ATXN1: variants seen among roughly 807,000 people sequenced by gnomAD.
ATXN1 encodes the protein ataxin-1.
In ATXN1, 8 loss-of-function variants were observed where a neutral mutation model predicts 56.4. The observed-to-expected ratio is 0.14, with a 90% CI of 0.08 to 0.26. The LOEUF (loss-of-function observed/expected upper bound fraction) is 0.26, where lower values mean the gene tolerates loss of function less well. Among genes scored for constraint, ATXN1 ranks in the 10% least tolerant of loss-of-function variants. The pLI, the probability that ATXN1 is intolerant of heterozygous loss-of-function variation, is 1.00. For synonymous variants in ATXN1, 514 were observed against 494.6 expected (o/e 1.04, Z -0.52); for missense variants, 987 against 1,106.5 (o/e 0.89, Z 1.53).
intron 2 of ATXN1, among the ~76,000 whole-genome samples, chr6:16,721,867 T>G (rs1189896057): frequency 6.6e-6 from 1 of 152,212 alleles, no homozygotes; most frequent in Non-Finnish European, 1.5e-5. Context: ...AACAGAATTC[T>G]TGGAGGATCT....
intron 6 of ATXN1, among the ~76,000 whole-genome samples, chr6:16,402,242 G>GTTTTTTTTTTTTTTTTTTTT (rs58048762): frequency 1.6e-5 from 1 of 62,118 alleles, no homozygotes; most frequent in Non-Finnish European, 2.9e-5. Flanking sequence ...ACCACTGACA[G>GTTTTTTTTTTTTTTTTTTTT]TTTTTTTTTT....
chr6:16,690,058 A>G (rs1045877539), intron 2 of ATXN1, among the ~76,000 whole-genome samples: 1 of 152,012 alleles, frequency 6.6e-6, no homozygotes, highest in Non-Finnish European at 1.5e-5. Context: ...TGAAGGGAAC[A>G]CTGGGTTGGG....
At chr6:16,445,709 T>A (rs1759620505) in intron 6 of ATXN1, among the ~76,000 whole-genome samples, 1 of 123,472 alleles carries the variant, frequency 8.1e-6, no homozygotes, top group Admixed American at 9.9e-5. Context: ...GAGTGTGATG[T>A]TCCCCTTCCT....
At chr6:16,735,575 A>G (rs191555441) in intron 2 of ATXN1, among the ~76,000 whole-genome samples, 3 of 152,332 alleles carry the variant, frequency 2.0e-5, no homozygotes, top group African/African-American at 7.2e-5. Flanking sequence ...ATTAACTGCT[A>G]TATATAAGAG....
chr6:16,414,027 A>C (rs1758853783), intron 6 of ATXN1, among the ~76,000 whole-genome samples: 1 of 152,228 alleles, frequency 6.6e-6, no homozygotes, highest in Non-Finnish European at 1.5e-5. Flanking sequence ...AGTGATGCTT[A>C]ATTTGGAGGA....
intron 2 of ATXN1, among the ~76,000 whole-genome samples, chr6:16,726,442 T>C (rs1759852303): frequency 6.6e-6 from 1 of 151,486 alleles, no homozygotes; most frequent in Admixed American, 6.6e-5. Flanking sequence ...GAGATTTTCA[T>C]ATGTATAATA....
At chr6:16,491,288 T>TATTATA (rs1760658364) in intron 5 of ATXN1, among the ~76,000 whole-genome samples, 1 of 134,722 alleles carries the variant, frequency 7.4e-6, no homozygotes, top group African/African-American at 2.7e-5. Context: ...TTTTTTTTTT[T>TATTATA]TTTTTTTTTT....
intron 5 of ATXN1, among the ~76,000 whole-genome samples, chr6:16,508,628 T>A (rs1257266048): frequency 6.6e-6 from 1 of 152,156 alleles, no homozygotes; most frequent in Non-Finnish European, 1.5e-5. Context: ...ATAACAACTG[T>A]TGGTGAGGAC....
At position 16,639,266 on chromosome 6, in the gene ATXN1, C is replaced by T. The variant is rs193067273; in HGVS notation, c.-489+18510G>A. On this transcript the variant is annotated intron_variant, in intron 3 of 7. Transcript: ENST00000436367. ...CCTCACAATAAATCTTGCTACTGCT[C>T]GCTCTTTGGGTCCCTACCATCTTTA... Among the ~76,000 whole-genome samples, 30 of 152,312 alleles carry T rather than the reference C, an allele frequency of 2.0e-4. No homozygotes were observed. In the East Asian group the frequency reaches 4.2e-3, roughly 21 times the overall value.
chr6:16,739,891 T>G (rs1437071550), intron 2 of ATXN1: 3 of 456,930 alleles, frequency 6.6e-6, no homozygotes, highest in Non-Finnish European at 1.3e-5. Flanking sequence ...CAAGAAGAGA[T>G]GTCCACCAGC....
At chr6:16,425,007 A>G (rs1759120420) in intron 6 of ATXN1, among the ~76,000 whole-genome samples, 1 of 152,228 alleles carries the variant, frequency 6.6e-6, no homozygotes, top group Non-Finnish European at 1.5e-5. Flanking sequence ...ACCTTTGCAG[A>G]CTATTCCCTA....
intron 6 of ATXN1, among the ~76,000 whole-genome samples, chr6:16,405,219 T>G (rs567239281): frequency 6.6e-6 from 1 of 152,236 alleles, no homozygotes; most frequent in Non-Finnish European, 1.5e-5. Flanking sequence ...AACAACTCTG[T>G]AGCCAACTTT....
chr6:16,508,414 G>C (rs773859873), intron 5 of ATXN1, among the ~76,000 whole-genome samples: 3 of 152,114 alleles, frequency 2.0e-5, no homozygotes, highest in Non-Finnish European at 2.9e-5. Flanking sequence ...ATCCTTAAAT[G>C]CTTATAGACA....
chr6:16,547,720 A>T (rs906407961), intron 4 of ATXN1, among the ~76,000 whole-genome samples: 4 of 151,784 alleles, frequency 2.6e-5, no homozygotes, highest in African/African-American at 9.7e-5. Flanking sequence ...GGGCAGCATA[A>T]CTCCAGTCTT....
intron 6 of ATXN1, among the ~76,000 whole-genome samples, chr6:16,443,074 T>C (rs553985618): frequency 6.6e-5 from 10 of 151,448 alleles, no homozygotes; most frequent in African/African-American, 2.4e-4. Flanking sequence ...CCCAGCTACT[T>C]GGGGGGCTGA....
intron 3 of ATXN1, among the ~76,000 whole-genome samples, chr6:16,621,209 C>T (rs1407722361): frequency 6.6e-6 from 1 of 152,174 alleles, no homozygotes; most frequent in Non-Finnish European, 1.5e-5. Context: ...TAACGCAGCT[C>T]AGTGGGTTAT....
rs190783075 is a variant in ATXN1, at chr6:16,440,909, T to C, written c.-161+45063A>G. Among the ~76,000 whole-genome samples, 10 of 152,218 alleles carry C rather than the reference T, an allele frequency of 6.6e-5. No individual in the cohort carries two copies. The East Asian group carries it at 1.9e-3, about 29-fold the overall frequency. On this transcript the variant is annotated intron_variant, in intron 6 of 7. Coordinates refer to ENST00000436367, the MANE Select transcript of ATXN1 (RefSeq NM_001128164.2). ...ATGGGTGTGGCCGAACCATTTATAG[T>C]GACAGAGCCAGGCAGAAGCAATATC... is the stretch of plus-strand genomic sequence containing the variant.
intron 2 of ATXN1, among the ~76,000 whole-genome samples, chr6:16,731,094 G>A (rs1420102025): frequency 6.6e-6 from 1 of 152,130 alleles, no homozygotes; most frequent in African/African-American, 2.4e-5. Flanking sequence ...GAAAGACACT[G>A]TATAACTGGC....
rs372644195 is a variant in ATXN1 at position 16,383,592 on chromosome 6, T to A, written c.-160-55122A>T. Reference sequence around the variant, plus strand: ...ACCACACACACTTTTCTGTTTGTGGTCATTAGATCATGCTACTAACGGCTT... The same window carrying A: ...ACCACACACACTTTTCTGTTTGTGGACATTAGATCATGCTACTAACGGCTT... On this transcript the variant is annotated intron_variant, in intron 6 of 7. Coordinates refer to ENST00000436367, the MANE Select transcript of ATXN1 (RefSeq NM_001128164.2). 3.3e-5 allele frequency among the ~76,000 whole-genome samples: 5 copies of A among 152,298 alleles called. No homozygotes were observed. In the South Asian group the frequency reaches 1.0e-3, roughly 32 times the overall value.
Sources: gnomAD v4.1 joint callset for allele counts (sites outside exome capture counted in the v4.1 genomes callset) on GRCh38, gnomAD v4.1.1 for gene constraint, MANE v1.5 for transcripts, NCBI Gene and HGNC (gene_info 2026-07-23, HGNC 2026-07-21) for gene names.